MECOM: variants seen among roughly 807,000 people sequenced by gnomAD.
The protein encoded by MECOM is histone-lysine N-methyltransferase MECOM.
Under a neutral mutation model 116.3 loss-of-function variants are expected in MECOM, and 13 were observed. The ratio of observed to expected loss-of-function variants is 0.11; its 90% CI spans 0.07 to 0.18. MECOM has a LOEUF of 0.18. MECOM is among the 10% of genes least tolerant of loss of function. MECOM has a pLI of 1.00. For synonymous variants in MECOM, 528 were observed against 535.2 expected (o/e 0.99, Z 0.19); for missense variants, 1,299 against 1,509.0 (o/e 0.86, Z 2.31).
At chr3:169,207,508 C>T (rs772983769) in intron 2 of MECOM, among the ~76,000 whole-genome samples, 11 of 152,086 alleles carry the variant, frequency 7.2e-5, no homozygotes, top group Non-Finnish European at 1.6e-4. Context: ...ATAGCAAGGT[C>T]TTTTATTTGC....
At chr3:169,357,019 G>A (rs1374160686) in intron 2 of MECOM, among the ~76,000 whole-genome samples, 1 of 151,804 alleles carries the variant, frequency 6.6e-6, no homozygotes, top group African/African-American at 2.4e-5. Context: ...CAAATTTGAT[G>A]TCAACAGAGC....
At chr3:169,563,189 C>T (rs1054527113) in intron 1 of MECOM, among the ~76,000 whole-genome samples, 1 of 152,026 alleles carries the variant, frequency 6.6e-6, no homozygotes, top group Admixed American at 6.6e-5. Flanking sequence ...TGCACCCTGG[C>T]AGACAAGTCA....
Position 169,116,437 on chromosome 3 carries a change from G to A in MECOM, c.1435C>T (p.Leu479Phe), listed in dbSNP as rs753490766. Residue 479 changes from leucine to phenylalanine, a missense_variant, in exon 8 of 17, where the codon CTT (leucine) becomes TTT (phenylalanine). Leu to Phe is a conservative substitution (Grantham distance 22). This residue lies in a region of MECOM where 238 missense variants were observed against 273.1 expected (regional missense o/e 0.87). Transcript: ENST00000651503. ...AATCCAGGAGCTGTTGGAAAGGTAA[G>A]ACCAGCAGGATGCCTATTGGCGCCA... Reference protein sequence around the residue: ...YFGANRHPAGLTFPTAPGFSF... With the variant: ...YFGANRHPAGFTFPTAPGFSF... 3 of 1,614,060 alleles carry A rather than the reference G, an allele frequency of 1.9e-6. No individual in the cohort carries two copies. The highest frequency in any genetic ancestry group is 1.7e-6 in the Non-Finnish European group (2 of 1,180,052).
intron 2 of MECOM, among the ~76,000 whole-genome samples, chr3:169,334,116 G>C (rs1367511805): frequency 1.3e-5 from 2 of 151,854 alleles, no homozygotes; most frequent in Non-Finnish European, 2.9e-5. Flanking sequence ...CTTTCTCATA[G>C]GATTAAATCT....
intron 2 of MECOM, among the ~76,000 whole-genome samples, chr3:169,249,331 C>T (rs1232197697): frequency 6.6e-6 from 1 of 152,168 alleles, no homozygotes; most frequent in African/African-American, 2.4e-5. Context: ...CAACCTAGTG[C>T]TGCTGATAAA....
chr3:169,187,520 C>T (rs1051921102), intron 2 of MECOM, among the ~76,000 whole-genome samples: 18 of 151,920 alleles, frequency 1.2e-4, no homozygotes, highest in African/African-American at 4.1e-4. Context: ...TGCTCTGTGG[C>T]AATATAGTTT....
chr3:169,663,017 A>G (rs867926095), intron 1 of MECOM, among the ~76,000 whole-genome samples: 6 of 43,786 alleles, frequency 1.4e-4, no homozygotes, highest in African/African-American at 2.8e-4. Flanking sequence ...CTTCGCGCTC[A>G]CTCTCGCGCT....
At chr3:169,109,676 A>G (rs1390949658) in intron 9 of MECOM, among the ~76,000 whole-genome samples, 1 of 152,222 alleles carries the variant, frequency 6.6e-6, no homozygotes, top group Admixed American at 6.5e-5. Flanking sequence ...TCGGCCTCCC[A>G]AAGTGCTGGG....
intron 1 of MECOM, among the ~76,000 whole-genome samples, chr3:169,425,113 G>T (rs1172646564): frequency 1.4e-5 from 2 of 144,966 alleles, no homozygotes; most frequent in African/African-American, 2.6e-5. Context: ...CCCCCCACTT[G>T]CATGTGCCTC....
chr3:169,440,197 T>A (rs1743367496), intron 1 of MECOM, among the ~76,000 whole-genome samples: 1 of 117,396 alleles, frequency 8.5e-6, no homozygotes, highest in Non-Finnish European at 1.8e-5. Flanking sequence ...ATATCATATA[T>A]GTTATGTTTT....
intron 1 of MECOM, among the ~76,000 whole-genome samples, chr3:169,454,132 C>T (rs73172100): frequency 0.025 from 3,775 of 152,192 alleles, 74 homozygotes; most frequent in Admixed American, 0.041. Flanking sequence ...GTTAGAAGGT[C>T]TTAAAGATAT....
At position 169,090,212 on chromosome 3, in the gene MECOM, A is replaced by T; in HGVS notation, c.3189T>A (p.Asp1063Glu). The T allele has an allele frequency of 6.2e-7, 1 of 1,610,668 alleles. No individual in the cohort carries two copies. Among genetic ancestry groups the T allele is most frequent in the Non-Finnish European group, 8.5e-7 (1 of 1,178,962 alleles). The stretch of plus-strand genomic sequence containing the variant: ...TTTGACTGGTCACCAAAGCCTTTTC[A>T]TCTTTAAAATGACTGCCATTCATTC... The part of the protein sequence containing the change: ...EERMNGSHFK[D>E]EKALVTSQNS... Residue 1063 changes from aspartate (D) to glutamate (E), a missense_variant, in exon 15 of 17, where the codon GAT (aspartate) becomes GAA (glutamate). Coordinates refer to ENST00000651503, the MANE Select transcript of MECOM (RefSeq NM_004991.4).
intron 12 of MECOM, 117 bp from the exon 13 acceptor site, chr3:169,095,362 C>G: frequency 1.3e-6 from 1 of 788,496 alleles, no homozygotes; most frequent in South Asian, 2.2e-5. Context: ...AAAGAAAAGG[C>G]ACAGGGAGAA....
At chr3:169,657,947 A>G (rs142505251) in intron 1 of MECOM, among the ~76,000 whole-genome samples, 189 of 152,324 alleles carry the variant, frequency 1.2e-3, no homozygotes, top group African/African-American at 4.4e-3. Flanking sequence ...TGGAAGAACT[A>G]CACTATTTCT....
intron 2 of MECOM, among the ~76,000 whole-genome samples, chr3:169,205,275 G>T (rs1354771756): frequency 6.6e-6 from 1 of 152,092 alleles, no homozygotes; most frequent in African/African-American, 2.4e-5. Context: ...TTTCTAGTGG[G>T]TTCCTGTTTA....
intron 2 of MECOM, among the ~76,000 whole-genome samples, chr3:169,175,971 A>C (rs1406998341): frequency 6.6e-6 from 1 of 152,156 alleles, no homozygotes; most frequent in East Asian, 1.9e-4. Flanking sequence ...TAAATTCTTC[A>C]GGTCTAGTTT....
intron 12 of MECOM, among the ~76,000 whole-genome samples, chr3:169,097,345 A>G (rs1204404664): frequency 6.6e-6 from 1 of 152,130 alleles, no homozygotes; most frequent in Non-Finnish European, 1.5e-5. Context: ...TGGCCAGAAA[A>G]AGAATGTTCT....
intron 1 of MECOM, among the ~76,000 whole-genome samples, chr3:169,585,687 C>G (rs926305371): frequency 3.3e-5 from 5 of 152,158 alleles, no homozygotes; most frequent in African/African-American, 1.2e-4. Flanking sequence ...CCTACCCATC[C>G]CTTCTTAAAA....
intron 16 of MECOM, among the ~76,000 whole-genome samples, chr3:169,085,934 T>G (rs565923584): frequency 7.2e-5 from 11 of 152,308 alleles, no homozygotes; most frequent in Admixed American, 2.0e-4. Flanking sequence ...ATTGCTAAAC[T>G]TGCTTGTCAA....
Sources: gnomAD v4.1 joint callset for allele counts (sites outside exome capture counted in the v4.1 genomes callset) on GRCh38, gnomAD v4.1.1 for gene constraint, gnomAD v4.1.1 regional missense constraint, MANE v1.5 for transcripts, NCBI Gene and HGNC (gene_info 2026-07-23, HGNC 2026-07-21) for gene names.